The following PARD3B variants were observed in gnomAD, a reference collection of about 807,000 sequenced individuals.
PARD3B encodes par-3 family cell polarity regulator beta, also known as partitioning defective 3 homolog B.
A neutral mutation model predicts 130.2 loss-of-function variants in PARD3B; 103 were observed. That is an observed-to-expected ratio of 0.79 (90% CI 0.67 to 0.93). PARD3B has a LOEUF of 0.93. Among genes scored for constraint, PARD3B ranks in the 40% least tolerant of loss-of-function variants. PARD3B has a pLI of 0.00. For missense variants in PARD3B, 1,609 were observed against 1,499.2 expected (o/e 1.07, Z -1.21); for synonymous variants, 583 against 553.2 (o/e 1.05, Z -0.76).
Position 205,047,626 on chromosome 2 carries a change from C to T in PARD3B, c.440C>T (p.Pro147Leu). Residue 147 changes from proline to leucine, a missense_variant, in exon 4 of 23, where the codon CCA (proline) becomes CTA (leucine). Transcript: ENST00000406610. The stretch of plus-strand genomic sequence containing the variant: ...AGAAGCAGTGACCCAGTGCCAGGCC[C>T]ACCTGCTGATACCCAGCCAAGCGCT... ...VRRSSDPVPG[P>L]PADTQPSASH... 3.9e-6 allele frequency: 6 copies of T among 1,550,842 alleles called. No individual in the cohort carries two copies. Among genetic ancestry groups the T allele is most frequent in the South Asian group, 3.6e-5 (3 of 84,032 alleles).
chr2:205,454,108 T>G (rs962417896), intron 20 of PARD3B, among the ~76,000 whole-genome samples: 1 of 152,182 alleles, frequency 6.6e-6, no homozygotes, highest in African/African-American at 2.4e-5. Context: ...ATCAGAAGCC[T>G]TGGGCTTTGA....
At chr2:205,478,865 T>A (rs1363224556) in intron 20 of PARD3B, among the ~76,000 whole-genome samples, 1 of 152,156 alleles carries the variant, frequency 6.6e-6, no homozygotes, top group African/African-American at 2.4e-5. Flanking sequence ...AGTTTTCTAA[T>A]AACACCATTT....
At chr2:205,609,073 A>G (rs2105785991) in intron 22 of PARD3B, among the ~76,000 whole-genome samples, 1 of 152,314 alleles carries the variant, frequency 6.6e-6, no homozygotes, top group East Asian at 1.9e-4. Flanking sequence ...TAGGCCATCA[A>G]ATGATCATTA....
intron 22 of PARD3B, among the ~76,000 whole-genome samples, chr2:205,611,599 T>C (rs1388137017): frequency 1.3e-5 from 2 of 152,174 alleles, no homozygotes; most frequent in Admixed American, 1.3e-4. Flanking sequence ...ATGCCTGAGA[T>C]AGTTCCTATC....
chr2:205,022,271 T>C (rs1248995905), intron 3 of PARD3B, among the ~76,000 whole-genome samples: 1 of 152,210 alleles, frequency 6.6e-6, no homozygotes, highest in Non-Finnish European at 1.5e-5. Flanking sequence ...AATTTAAACA[T>C]AGTATCTATG....
At chr2:204,598,256 T>C (rs1416056653) in intron 1 of PARD3B, among the ~76,000 whole-genome samples, 3 of 152,172 alleles carry the variant, frequency 2.0e-5, no homozygotes, top group Non-Finnish European at 2.9e-5. Context: ...ACTTTATTCT[T>C]TTAAGAATAA....
At chr2:205,081,559 T>G (rs1440676445) in intron 4 of PARD3B, among the ~76,000 whole-genome samples, 1 of 152,052 alleles carries the variant, frequency 6.6e-6, no homozygotes, top group African/African-American at 2.4e-5. Flanking sequence ...TTCCCTATGT[T>G]AGGTTGAAGA....
intron 2 of PARD3B, among the ~76,000 whole-genome samples, chr2:204,833,125 C>T (rs2043892122): frequency 6.6e-6 from 1 of 152,180 alleles, no homozygotes; most frequent in Non-Finnish European, 1.5e-5. Flanking sequence ...ATGCAAATTG[C>T]ATGCCTTATT....
intron 2 of PARD3B, among the ~76,000 whole-genome samples, chr2:204,905,934 G>A (rs2047027985): frequency 6.6e-6 from 1 of 152,150 alleles, no homozygotes; most frequent in South Asian, 2.1e-4. Flanking sequence ...GAAAGAGAAA[G>A]GAGAGTAACA....
intron 1 of PARD3B, among the ~76,000 whole-genome samples, chr2:204,553,651 C>CAT (rs55744172): frequency 0.015 from 1,261 of 82,756 alleles, 6 homozygotes; most frequent in South Asian, 0.02. Context: ...TATATATATC[C>CAT]ATATATATAT....
intron 1 of PARD3B, among the ~76,000 whole-genome samples, chr2:204,566,685 G>C (rs1326902328): frequency 6.6e-6 from 1 of 152,094 alleles, no homozygotes; most frequent in Non-Finnish European, 1.5e-5. Flanking sequence ...TATCTATAAA[G>C]ACAAGGTAAA....
Position 204,967,822 on chromosome 2 carries a change from G to A in PARD3B, c.394+2499G>A, listed in dbSNP as rs1691380242. On this transcript the variant is annotated intron_variant, in intron 3 of 22. Transcript: ENST00000406610. The surrounding 1 kb of genome is among the most constrained non-coding windows in gnomAD (Gnocchi z 4.4). Reference sequence around the variant, plus strand: ...CACCTCCAGATGGAGAGATGTGGTTGGCAGTAGAGGCAGTATTGATGGCAC... The same window carrying A: ...CACCTCCAGATGGAGAGATGTGGTTAGCAGTAGAGGCAGTATTGATGGCAC... Among the ~76,000 whole-genome samples, 1 of 152,208 alleles carries A rather than the reference G, an allele frequency of 6.6e-6. No homozygotes were observed. The highest frequency in any genetic ancestry group is 2.1e-4 in the South Asian group (1 of 4,834).
At chr2:204,852,215 T>C (rs2044736592) in intron 2 of PARD3B, among the ~76,000 whole-genome samples, 1 of 152,094 alleles carries the variant, frequency 6.6e-6, no homozygotes, top group African/African-American at 2.4e-5. Flanking sequence ...TAATAGTGTT[T>C]TAGGCGGTTA....
intron 18 of PARD3B, among the ~76,000 whole-genome samples, chr2:205,389,425 CTA>C (rs1379906087): frequency 2.0e-5 from 3 of 152,104 alleles, no homozygotes; most frequent in African/African-American, 7.2e-5. Flanking sequence ...TGCAATGACG[CTA>C]TGTCGGTTCA....
chr2:204,620,949 A>G (rs1425093748), intron 1 of PARD3B, among the ~76,000 whole-genome samples: 1 of 152,200 alleles, frequency 6.6e-6, no homozygotes, highest in Non-Finnish European at 1.5e-5. Flanking sequence ...CAGATACAGA[A>G]CAGTTTTAAT....
chr2:205,124,129 T>C (rs542554085), intron 8 of PARD3B, among the ~76,000 whole-genome samples, 198 bp from the exon 9 acceptor site: 1 of 152,340 alleles, frequency 6.6e-6, no homozygotes, highest in African/African-American at 2.4e-5. Context: ...CTAAATTCAC[T>C]TTGATACTGT....
At position 204,651,809 on chromosome 2, in the gene PARD3B, G is replaced by A. The variant is rs572892035; in HGVS notation, c.121-34372G>A. On this transcript the variant is annotated intron_variant, in intron 1 of 22. Coordinates refer to ENST00000406610, the MANE Select transcript of PARD3B (RefSeq NM_001302769.2). ...TTACATTATCTGAAATCTAGGCAGA[G>A]GCTCCCAAAGCTCACCTTTTGCCCT... Among the ~76,000 whole-genome samples, 3 of 152,314 alleles carry A rather than the reference G, an allele frequency of 2.0e-5. No individual in the cohort carries two copies. In the South Asian group the frequency reaches 6.2e-4, roughly 32 times the overall value.
chr2:205,404,743 G>T (rs1346388220), intron 19 of PARD3B, among the ~76,000 whole-genome samples: 1 of 151,798 alleles, frequency 6.6e-6, no homozygotes, highest in African/African-American at 2.4e-5. Flanking sequence ...TCTAATTCCT[G>T]AGCTCAAGTG....
intron 19 of PARD3B, among the ~76,000 whole-genome samples, chr2:205,408,590 G>T (rs1434395922): frequency 6.6e-6 from 1 of 152,056 alleles, no homozygotes; most frequent in Non-Finnish European, 1.5e-5. Flanking sequence ...AGCAACAAGT[G>T]AATTGATAGT....
Sources: allele counts gnomAD v4.1 joint callset (sites outside exome capture counted in the v4.1 genomes callset), GRCh38; gene constraint gnomAD v4.1.1; non-coding constraint Gnocchi (gnomAD v3.1); transcripts MANE v1.5; gene names NCBI Gene and HGNC (gene_info 2026-07-23, HGNC 2026-07-21).